The following HTT variants were observed in gnomAD, a reference collection of about 807,000 sequenced individuals.
HTT encodes the protein huntington disease protein.
A neutral mutation model predicts 362.3 loss-of-function variants in HTT; 104 were observed. The observed-to-expected ratio is 0.29, with a 90% CI of 0.24 to 0.34. HTT has a LOEUF of 0.34. Ranked by LOEUF, HTT falls within the 10% of genes least tolerant of loss-of-function variation. The pLI is 1.00. For missense variants in HTT, 3,301 were observed against 3,928.6 expected (o/e 0.84, Z 4.27); for synonymous variants, 1,577 against 1,548.7 (o/e 1.02, Z -0.43).
chr4:3,220,378 G>A, intron 53 of HTT, 70 bp downstream of exon 53: 1 of 1,473,756 alleles, frequency 6.8e-7, no homozygotes, highest in African/African-American at 1.4e-5. Context: ...AGAGCCCCCA[G>A]TACTGGGATC....
In HTT at chr4:3,157,084, C is replaced by G. The variant is rs1413900519; in HGVS notation, c.3638C>G (p.Ser1213Cys). Reference protein sequence around the residue: ...GSEASAASRQSDTSGPVTTSK... With the variant: ...GSEASAASRQCDTSGPVTTSK... Reference sequence around the variant, plus strand: ...CATATTTTTAAAGCTTCTAGACAATCTGATACCTCAGGTCCTGTTACAACA... The same window carrying G: ...CATATTTTTAAAGCTTCTAGACAATGTGATACCTCAGGTCCTGTTACAACA... Residue 1213 changes from serine to cysteine, a missense_variant, in exon 28 of 67, where the codon TCT becomes TGT. Transcript: ENST00000355072. 3 of 1,606,428 alleles carry G rather than the reference C, an allele frequency of 1.9e-6. No individual in the cohort carries two copies. The African/African-American group carries it at 4.0e-5, about 22-fold the overall frequency.
intron 49 of HTT, among the ~76,000 whole-genome samples, chr4:3,213,580 G>A (rs1206415867): frequency 4.6e-5 from 7 of 152,208 alleles, no homozygotes. Flanking sequence ...CCCAAGGCCT[G>A]CTATCCCTAG....
At chr4:3,186,002 C>T (rs988205327) in intron 37 of HTT, among the ~76,000 whole-genome samples, 4 of 152,034 alleles carry the variant, frequency 2.6e-5, no homozygotes, top group African/African-American at 9.7e-5. Context: ...AGCCAGTTGC[C>T]TTGGGAGTTC....
intron 8 of HTT, among the ~76,000 whole-genome samples, chr4:3,117,272 G>T (rs1304579357): frequency 6.6e-6 from 1 of 151,908 alleles, no homozygotes; most frequent in Non-Finnish European, 1.5e-5. Flanking sequence ...TGAGTGTTTT[G>T]TTGAGTAAAA....
At chr4:3,090,921 G>T (rs1415831071) in intron 2 of HTT, among the ~76,000 whole-genome samples, 1 of 152,164 alleles carries the variant, frequency 6.6e-6, no homozygotes, top group Non-Finnish European at 1.5e-5. Context: ...AGACCAGCTG[G>T]ACCAGTGCGG....
chr4:3,082,260 G>C (rs1043959146), intron 1 of HTT, among the ~76,000 whole-genome samples: 1 of 152,154 alleles, frequency 6.6e-6, no homozygotes, highest in African/African-American at 2.4e-5. Flanking sequence ...CATTTTTGTG[G>C]CTGTAGAATG....
At position 3,172,714 on chromosome 4, in the gene HTT, C is replaced by T. The variant is rs191312510; in HGVS notation, c.3943-194C>T. Among the ~76,000 whole-genome samples, 596 of 152,302 alleles carry T rather than the reference C, an allele frequency of 3.9e-3. 2 individuals are homozygous for T. The highest frequency in any genetic ancestry group is 0.02 in the Middle Eastern group (6 of 294). ...TTTAGAATTGCAAGGAAACCCAAAACGCCTATTTAAGGTACAAACAGCACT... is the reference window on the plus strand; with the variant it reads ...TTTAGAATTGCAAGGAAACCCAAAATGCCTATTTAAGGTACAAACAGCACT... On this transcript the variant is annotated intron_variant, in intron 30 of 66. Transcript: ENST00000355072.
At chr4:3,237,873 A>G (rs1721613452) in intron 64 of HTT, among the ~76,000 whole-genome samples, 1 of 152,154 alleles carries the variant, frequency 6.6e-6, no homozygotes, top group African/African-American at 2.4e-5. Flanking sequence ...GAGAGCACAG[A>G]TGGGGCCCTG....
Position 3,116,164 on chromosome 4 carries a change from C to G in HTT, c.969C>G (p.Pro323=), listed in dbSNP as rs181961779. The G allele has an allele frequency of 1.9e-6, 3 of 1,613,948 alleles. No individual in the cohort carries two copies. The highest frequency in any genetic ancestry group is 1.7e-5 in the Admixed American group (1 of 60,008). The change falls in exon 8 of 67, where the codon CCC becomes CCG. Residue 323 remains proline (P), a synonymous_variant. Coordinates refer to ENST00000355072, the MANE Select transcript of HTT (RefSeq NM_001388492.1). The stretch of plus-strand genomic sequence containing the variant: ...TGCTCACCCTGAGGTATTTGGTGCC[C>G]TTGCTGCAGCAGCAGGTCAAGGACA... ...GVLLTLRYLV[P]LLQQQVKDTS...
chr4:3,192,272 CT>C (rs1457763928), intron 40 of HTT, among the ~76,000 whole-genome samples: 1 of 152,080 alleles, frequency 6.6e-6, no homozygotes, highest in Non-Finnish European at 1.5e-5. Context: ...AAATGGAAGT[CT>C]TGCTGTGTTG....
In HTT at chr4:3,074,710, C is replaced by T. The variant is rs1054224137; in HGVS notation, c.-116C>T. On this transcript the variant is annotated 5_prime_UTR_variant, in exon 1 of 67. Transcript: ENST00000355072. ...CCGGGACGGGTCCAAGATGGACGGC[C>T]GCTCAGGTTCTGCTTTTACCTGCGG... 4 of 1,116,124 alleles carry T rather than the reference C, an allele frequency of 3.6e-6. No individual in the cohort carries two copies. Among genetic ancestry groups the T allele is most frequent in the Non-Finnish European group, 4.8e-6 (4 of 826,350 alleles). 69.1% of individuals were successfully genotyped at this position (1,116,124 alleles called of 1,614,324 possible). A position where few individuals can be genotyped will look rare whatever the true frequency, so the allele number is the denominator to read the frequency against.
At chr4:3,075,647 C>CGGGGGGGGGGGTGGGGGGG (rs1560535774) in intron 1 of HTT, among the ~76,000 whole-genome samples, 1 of 61,682 alleles carries the variant, frequency 1.6e-5, no homozygotes, top group Non-Finnish European at 2.9e-5. Flanking sequence ...AGTGGCGGGG[C>CGGGGGGGGGGGTGGGGGGG]AGGGGGGGGG....
At chr4:3,213,369 G>T (rs116761642) in intron 49 of HTT, among the ~76,000 whole-genome samples, 3,018 of 152,294 alleles carry the variant, frequency 0.02, 90 homozygotes, top group African/African-American at 0.065. Flanking sequence ...CACAGCACAG[G>T]GTGATTGCTG....
At chr4:3,115,523 A>G (rs986633705) in intron 7 of HTT, 78 bp downstream of exon 7, 2 of 1,186,278 alleles carry the variant, frequency 1.7e-6, no homozygotes, top group Non-Finnish European at 2.4e-6. Flanking sequence ...AAACCAGATG[A>G]TCCCTCAGCT....
In HTT at chr4:3,125,571, A is replaced by T. The variant is rs776146921; in HGVS notation, c.1344A>T (p.Glu448Asp). Residue 448 changes from glutamate (E) to aspartate (D), a missense_variant, in exon 11 of 67, where the codon GAA becomes GAT. Physicochemically the swap from Glu to Asp is conservative, Grantham distance 45. Transcript: ENST00000355072. ...TAGGCAAAGTGCTCTTAGGAGAAGA[A>T]GAAGCCTTGGAGGATGACTCTGAAT... ...KQKGKVLLGEEEALEDDSESR... is the reference protein window; with the variant it reads ...KQKGKVLLGEDEALEDDSESR... 1 of 1,613,800 alleles carries T rather than the reference A, an allele frequency of 6.2e-7. No homozygotes were observed. Among genetic ancestry groups the T allele is most frequent in the Non-Finnish European group, 8.5e-7 (1 of 1,179,656 alleles).
chr4:3,191,978 T>A (rs1253019986), intron 40 of HTT, among the ~76,000 whole-genome samples: 2 of 152,190 alleles, frequency 1.3e-5, no homozygotes, highest in East Asian at 3.8e-4. Flanking sequence ...CAAGGGTAGT[T>A]GGTAGGACTG....
At chr4:3,173,559 G>A (rs1718089718) in intron 31 of HTT, among the ~76,000 whole-genome samples, 1 of 152,244 alleles carries the variant, frequency 6.6e-6, no homozygotes, top group African/African-American at 2.4e-5. Context: ...CAGCTTCATA[G>A]CAGCACAGTA....
intron 37 of HTT, among the ~76,000 whole-genome samples, chr4:3,185,903 GAA>G (rs1718737386): frequency 6.6e-6 from 1 of 151,872 alleles, no homozygotes; most frequent in Non-Finnish European, 1.5e-5. Flanking sequence ...GAGAGAGAAA[GAA>G]GAGAGAGGGA....
rs1383778458 is a variant in HTT, at chr4:3,173,145, C to T, written c.4166+14C>T. On this transcript the variant is annotated intron_variant, in intron 31 of 66. Transcript: ENST00000355072. Reference sequence around the variant, plus strand: ...CGACACCTCGGGGTAACAGTTGTGGCAAGAATGCTGTCGTTGGTGGAAGCA... The same window carrying T: ...CGACACCTCGGGGTAACAGTTGTGGTAAGAATGCTGTCGTTGGTGGAAGCA... 6.2e-7 allele frequency: 1 copy of T among 1,603,014 alleles called. No homozygotes were observed. The highest frequency in any genetic ancestry group is 8.5e-7 in the Non-Finnish European group (1 of 1,170,796).
Sources: gnomAD v4.1 joint callset for allele counts (sites outside exome capture counted in the v4.1 genomes callset) on GRCh38, gnomAD v4.1.1 for gene constraint, MANE v1.5 for transcripts, NCBI Gene and HGNC (gene_info 2026-07-23, HGNC 2026-07-21) for gene names.